Variants in VPS13B observed in about 807,000 individuals in gnomAD.
VPS13B encodes the protein vacuolar protein sorting 13 homolog B, also known as intermembrane lipid transfer protein VPS13B.
Under a neutral mutation model 426.4 loss-of-function variants are expected in VPS13B, and 285 were observed. The ratio of observed to expected loss-of-function variants is 0.67; its 90% CI spans 0.61 to 0.74. The LOEUF is 0.74. Ranked by LOEUF, VPS13B falls within the 30% of genes least tolerant of loss-of-function variation. The probability of loss-of-function intolerance (pLI) is 0.00; values close to 1 mark genes in which losing one functional copy is unlikely to be tolerated. For missense variants in VPS13B, 4,537 were observed against 4,782.6 expected (o/e 0.95, Z 1.51); for synonymous variants, 1,676 against 1,676.4 (o/e 1.00, Z 0.01).
intron 8 of VPS13B, among the ~76,000 whole-genome samples, chr8:99,124,518 A>T (rs1449078321): frequency 6.6e-6 from 1 of 152,230 alleles, no homozygotes; most frequent in Non-Finnish European, 1.5e-5. Flanking sequence ...GAAACAATCC[A>T]TATGTTCATC....
At chr8:99,732,735 A>G (rs78538732) in intron 39 of VPS13B, among the ~76,000 whole-genome samples, 2,969 of 152,374 alleles carry the variant, frequency 0.019, 105 homozygotes, top group African/African-American at 0.068. Flanking sequence ...CTGCCAAGGC[A>G]GAATTTGTAG....
At chr8:99,431,506 C>G in intron 21 of VPS13B, 31 bp from the exon 22 acceptor site, 1 of 1,611,420 alleles carries the variant, frequency 6.2e-7, no homozygotes, top group Non-Finnish European at 8.5e-7. Flanking sequence ...AGTTATGTTT[C>G]TATTAAATAA....
intron 33 of VPS13B, among the ~76,000 whole-genome samples, chr8:99,640,107 A>AAAAGAAAAGG (rs1829294578): frequency 6.8e-6 from 1 of 148,052 alleles, no homozygotes. Flanking sequence ...AAAAGAAAAG[A>AAAAGAAAAGG]AAAGAAGAAG....
intron 35 of VPS13B, among the ~76,000 whole-genome samples, chr8:99,674,198 A>G (rs983268293): frequency 2.0e-5 from 3 of 151,764 alleles, no homozygotes; most frequent in Non-Finnish European, 4.4e-5. Context: ...AAAGTCCTCC[A>G]CTATTATTAA....
At chr8:99,808,082 C>T (rs1043296752) in intron 43 of VPS13B, among the ~76,000 whole-genome samples, 1 of 151,610 alleles carries the variant, frequency 6.6e-6, no homozygotes, top group Non-Finnish European at 1.5e-5. Context: ...GATAGTCTTA[C>T]AGGAGGTTTT....
rs4400353 is a variant in VPS13B at position 99,163,946 on chromosome 8, C to T, written c.2209-6093C>T. On this transcript the variant is annotated intron_variant, in intron 15 of 61. Coordinates refer to ENST00000357162, the MANE Select transcript of VPS13B (RefSeq NM_152564.5). ...AAGCGAGGGCTCTGAGGACTGCCAG[C>T]ATGCTGTCACCTCTCAATCCCCCCT... Among the ~76,000 whole-genome samples, 589 of 152,298 alleles carry T rather than the reference C, an allele frequency of 3.9e-3. 18 individuals are homozygous for T. In the East Asian group the frequency reaches 0.089, roughly 23 times the overall value.
At chr8:99,484,574 A>G (rs1395370186) in intron 25 of VPS13B, among the ~76,000 whole-genome samples, 1 of 152,162 alleles carries the variant, frequency 6.6e-6, no homozygotes, top group Non-Finnish European at 1.5e-5. Context: ...ATGGTTATTC[A>G]CTATTGAAGC....
intron 35 of VPS13B, among the ~76,000 whole-genome samples, chr8:99,680,632 G>A (rs553772951): frequency 1.3e-5 from 2 of 152,304 alleles, no homozygotes; most frequent in East Asian, 3.9e-4. Context: ...ATCTGGCAGA[G>A]ACATAGATGA....
intron 19 of VPS13B, among the ~76,000 whole-genome samples, chr8:99,312,613 A>G (rs1357826311): frequency 5.3e-5 from 8 of 151,934 alleles, no homozygotes; most frequent in East Asian, 1.9e-4. Context: ...TTTTTCCTTC[A>G]TTTCAACTTT....
rs200884439 is a variant in VPS13B, at chr8:99,654,031, G to GATT, written c.5909-7302_5909-7300dup. Among the ~76,000 whole-genome samples the GATT allele has an allele frequency of 4.8e-3, 716 of 149,852 alleles. 13 individuals are homozygous for GATT. The East Asian group carries it at 0.052, about 11-fold the overall frequency. Reference sequence around the variant, plus strand: ...TGTCCTGACATTGGATGATGATGATGATTATTATTATTATTATTATTATAT... The same window carrying GATT: ...TGTCCTGACATTGGATGATGATGATGATTATTATTATTATTATTATTATTATAT... On this transcript the variant is annotated intron_variant, in intron 34 of 61. Transcript: ENST00000357162.
chr8:99,253,263 A>C (rs188599942), intron 17 of VPS13B, among the ~76,000 whole-genome samples: 1 of 151,986 alleles, frequency 6.6e-6, no homozygotes, highest in Non-Finnish European at 1.5e-5. Context: ...AGTTGTTTCC[A>C]CTTTTTGGCT....
intron 31 of VPS13B, among the ~76,000 whole-genome samples, chr8:99,573,870 A>G (rs1419325450): frequency 1.3e-5 from 2 of 152,106 alleles, no homozygotes; most frequent in Non-Finnish European, 2.9e-5. Context: ...GATGGCATTG[A>G]ATCTATAAAT....
At chr8:99,484,139 G>A (rs745521316) in intron 25 of VPS13B, among the ~76,000 whole-genome samples, 2 of 151,968 alleles carry the variant, frequency 1.3e-5, no homozygotes, top group East Asian at 1.9e-4. Context: ...TAGAAGAATA[G>A]TATCTTCATC....
intron 3 of VPS13B, among the ~76,000 whole-genome samples, chr8:99,088,038 G>T (rs1845932955): frequency 1.3e-5 from 2 of 151,884 alleles, no homozygotes; most frequent in Non-Finnish European, 2.9e-5. Flanking sequence ...ACAAAAATTA[G>T]CTGGGCGTGG....
Position 99,416,906 on chromosome 8 carries a change from A to C in VPS13B, c.3083-14631A>C, listed in dbSNP as rs73702013. Among the ~76,000 whole-genome samples, 648 of 152,330 alleles carry C rather than the reference A, an allele frequency of 4.3e-3. 5 individuals carry two copies. Among genetic ancestry groups the C allele is most frequent in the African/African-American group, 0.014 (601 of 41,570 alleles). On this transcript the variant is annotated intron_variant, in intron 21 of 61. Coordinates refer to ENST00000357162, the MANE Select transcript of VPS13B (RefSeq NM_152564.5). Reference sequence around the variant, plus strand: ...CTGTGTTACTAGAATTTTATAGTGCAGTATTTGTCAAACCAAATGATAATC... The same window carrying C: ...CTGTGTTACTAGAATTTTATAGTGCCGTATTTGTCAAACCAAATGATAATC...
At chr8:99,712,980 G>A (rs1488640721) in intron 36 of VPS13B, among the ~76,000 whole-genome samples, 1 of 152,054 alleles carries the variant, frequency 6.6e-6, no homozygotes, top group African/African-American at 2.4e-5. Flanking sequence ...CAAGTGATAT[G>A]CATCATATAG....
rs897029416 is a variant in VPS13B at position 99,835,445 on chromosome 8, CTT to C, written c.9743-90_9743-89del. On this transcript the variant is annotated intron_variant, in intron 53 of 61. Coordinates refer to ENST00000357162, the MANE Select transcript of VPS13B (RefSeq NM_152564.5). ...ATTTAAATAAAAGCATTAATGATCT[CTT>C]TTTGAGAAGTTTCTTTTGCCACATT... 4 of 1,514,208 alleles carry C rather than the reference CTT, an allele frequency of 2.6e-6. No homozygotes were observed. In the African/African-American group the frequency reaches 4.1e-5, roughly 16 times the overall value. The allele number at this position is 1,514,208 out of a possible 1,614,324, so 93.8% of individuals were successfully genotyped here.
chr8:99,667,917 A>C (rs1830551592), intron 35 of VPS13B, among the ~76,000 whole-genome samples: 3 of 152,124 alleles, frequency 2.0e-5, no homozygotes. Context: ...TTATGTTGAG[A>C]TTGGGCAAAC....
intron 33 of VPS13B, among the ~76,000 whole-genome samples, chr8:99,639,492 A>G (rs1829213531): frequency 6.6e-6 from 1 of 152,118 alleles, no homozygotes; most frequent in Non-Finnish European, 1.5e-5. Flanking sequence ...TTTGTTTCAA[A>G]TAGCTAATGC....
Sources: allele counts gnomAD v4.1 joint callset (sites outside exome capture counted in the v4.1 genomes callset), GRCh38; gene constraint gnomAD v4.1.1; transcripts MANE v1.5; gene names NCBI Gene and HGNC (gene_info 2026-07-23, HGNC 2026-07-21).